CNNM1: variants seen among roughly 807,000 people sequenced by gnomAD.
CNNM1 encodes the protein cyclin and CBS domain divalent metal cation transport mediator 1, also known as metal transporter CNNM1.
A neutral mutation model predicts 78.8 loss-of-function variants in CNNM1; 44 were observed. The observed-to-expected ratio is 0.56, with a 90% CI of 0.44 to 0.72. The LOEUF is 0.72. Among genes scored for constraint, CNNM1 ranks in the 30% least tolerant of loss-of-function variants. The probability of loss-of-function intolerance (pLI) is 0.00; values close to 1 mark genes in which losing one functional copy is unlikely to be tolerated. For missense variants in CNNM1, 1,101 were observed against 1,292.2 expected (o/e 0.85, Z 2.27); for synonymous variants, 584 against 581.5 (o/e 1.00, Z -0.06).
At chr10:99,364,635 CT>C in intron 5 of CNNM1, 119 bp downstream of exon 5, 1 of 799,334 alleles carries the variant, frequency 1.3e-6, no homozygotes, top group Non-Finnish European at 2.0e-6. Context: ...AGCCATTTAA[CT>C]TCCTTGGCTT....
chr10:99,352,415 T>G (rs1204720210), intron 1 of CNNM1, among the ~76,000 whole-genome samples: 1 of 152,228 alleles, frequency 6.6e-6, no homozygotes, highest in Non-Finnish European at 1.5e-5. Context: ...AAAGTAGAAT[T>G]GTCGGGTCAT....
chr10:99,329,858 G>A lies in CNNM1; in HGVS notation c.471G>A (p.Ser157=). 1 of 1,409,742 alleles carries A rather than the reference G, an allele frequency of 7.1e-7. No individual in the cohort carries two copies. The highest frequency in any genetic ancestry group is 9.2e-7 in the Non-Finnish European group (1 of 1,088,730). The allele number at this position is 1,409,742 out of a possible 1,614,324, so 87.3% of individuals were successfully genotyped here. ...GPLRPGGVAG[S]ALVQVRVREL... is the part of the protein sequence containing the mutation. ...TGCGTCCCGGGGGCGTGGCAGGCTC[G>A]GCCCTGGTCCAGGTGCGAGTGCGGG... The change falls in exon 1 of 11, where the codon TCG becomes TCA. Residue 157 remains serine (S), a synonymous_variant. Transcript: ENST00000356713.
chr10:99,354,736 G>T (rs2031072069), intron 1 of CNNM1, among the ~76,000 whole-genome samples: 1 of 152,124 alleles, frequency 6.6e-6, no homozygotes. Flanking sequence ...GTGGGGAAGA[G>T]AAATCAAGGA....
chr10:99,358,958 C>T (rs956071353), intron 2 of CNNM1, among the ~76,000 whole-genome samples: 1 of 131,086 alleles, frequency 7.6e-6, no homozygotes, highest in Admixed American at 8.8e-5. Flanking sequence ...GAGATTGTGC[C>T]ACAGCACTCC....
intron 7 of CNNM1, among the ~76,000 whole-genome samples, chr10:99,379,851 T>G (rs956447841): frequency 1.3e-5 from 2 of 152,106 alleles, no homozygotes; most frequent in African/African-American, 4.8e-5. Context: ...TACCATAGAC[T>G]GTGTGGCTTA....
intron 1 of CNNM1, among the ~76,000 whole-genome samples, chr10:99,336,390 C>T (rs1208548752): frequency 1.3e-5 from 2 of 152,172 alleles, no homozygotes. Context: ...ACACTATATC[C>T]TCTAGGTTTT....
chr10:99,360,310 A>T (rs978588455), intron 2 of CNNM1, among the ~76,000 whole-genome samples: 1 of 152,198 alleles, frequency 6.6e-6, no homozygotes, highest in East Asian at 1.9e-4. Flanking sequence ...AGACTAGGTG[A>T]GGCCAGTTCA....
At chr10:99,337,926 G>A (rs2030261441) in intron 1 of CNNM1, among the ~76,000 whole-genome samples, 1 of 152,208 alleles carries the variant, frequency 6.6e-6, no homozygotes, top group South Asian at 2.1e-4. Context: ...AGTGTTAGAA[G>A]AAAAGTGTTG....
intron 2 of CNNM1, among the ~76,000 whole-genome samples, chr10:99,359,754 A>AC (rs1450199928): frequency 6.6e-6 from 1 of 152,090 alleles, no homozygotes; most frequent in Admixed American, 6.5e-5. Context: ...CTCAGCTTGC[A>AC]CCAGACGTTC....
At chr10:99,374,404 T>C (rs1028340286) in intron 6 of CNNM1, among the ~76,000 whole-genome samples, 1 of 152,194 alleles carries the variant, frequency 6.6e-6, no homozygotes, top group African/African-American at 2.4e-5. Flanking sequence ...ATGTGGCCTC[T>C]TCCTCAAGTT....
At chr10:99,344,300 T>A (rs1295582932) in intron 1 of CNNM1, among the ~76,000 whole-genome samples, 2 of 130,226 alleles carry the variant, frequency 1.5e-5, no homozygotes, top group Non-Finnish European at 3.1e-5. Context: ...CCATTGCACT[T>A]CAGCCTAGGC....
In CNNM1 at chr10:99,338,523, C is replaced by G. The variant is rs192416998; in HGVS notation, c.1573+7563C>G. Among the ~76,000 whole-genome samples, 847 of 152,218 alleles carry G rather than the reference C, an allele frequency of 5.6e-3. 8 individuals carry two copies. Among genetic ancestry groups the G allele is most frequent in the African/African-American group, 0.019 (785 of 41,516 alleles). ...CGAACTCCTGAGCTCAGGCAATCCG[C>G]CAACCTCGGCCTCCCAAAGTGCTAG... On this transcript the variant is annotated intron_variant, in intron 1 of 10. Coordinates refer to ENST00000356713, the MANE Select transcript of CNNM1 (RefSeq NM_020348.3).
chr10:99,373,290 G>T (rs1167331168), intron 6 of CNNM1, among the ~76,000 whole-genome samples: 1 of 152,164 alleles, frequency 6.6e-6, no homozygotes, highest in Non-Finnish European at 1.5e-5. Flanking sequence ...ATTGAGGAAT[G>T]GTGGTGATTC....
Position 99,394,234 on chromosome 10 carries a change from A to T in CNNM1, c.*2718A>T, listed in dbSNP as rs1461226249. The T allele has an allele frequency of 1.3e-5, 2 of 152,588 alleles. No individual in the cohort carries two copies. The highest frequency in any genetic ancestry group is 2.1e-4 in the South Asian group (1 of 4,818). 9.5% of individuals were successfully genotyped at this position (152,588 alleles called of 1,614,324 possible). ...CCACAAAGATTTTCTTCAGGTTAAA[A>T]AAAAAGTTTAAAAAAAAGATTTTAA... On this transcript the variant is annotated 3_prime_UTR_variant, in exon 11 of 11. Transcript: ENST00000356713.
intron 1 of CNNM1, among the ~76,000 whole-genome samples, chr10:99,349,395 T>C (rs543003332): frequency 1.1e-4 from 17 of 152,126 alleles, no homozygotes; most frequent in African/African-American, 4.1e-4. Flanking sequence ...TATTTATCTG[T>C]AGGTGAGGAT....
rs1012313922 is a variant in CNNM1 at position 99,330,375 on chromosome 10, G to T, written c.988G>T (p.Val330Leu). Residue 330 changes from valine (V) to leucine (L), a missense_variant, in exon 1 of 11, where the codon GTG becomes TTG. Around this residue, in one of 3 missense-constraint regions of CNNM1, gnomAD observed 476 missense variants for 484.5 expected, o/e 0.98. Transcript: ENST00000356713. ...CCACTTCCCGTGGCTGCCGGCGCTC[G>T]TGTGCACCGGCGCGGTATTCCTGGG... is the stretch of plus-strand genomic sequence containing the variant. ...GIHFPWLPALVCTGAVFLGAE... is the reference protein window; with the variant it reads ...GIHFPWLPALLCTGAVFLGAE... 9 of 1,596,938 alleles carry T rather than the reference G, an allele frequency of 5.6e-6. No homozygotes were observed. The highest frequency in any genetic ancestry group is 1.1e-5 in the South Asian group (1 of 88,116).
chr10:99,345,158 T>C (rs2030638619), intron 1 of CNNM1, among the ~76,000 whole-genome samples: 1 of 152,158 alleles, frequency 6.6e-6, no homozygotes, highest in South Asian at 2.1e-4. Flanking sequence ...TACATATTAG[T>C]AATAACAACC....
intron 6 of CNNM1, among the ~76,000 whole-genome samples, chr10:99,369,276 C>T (rs1479000845): frequency 3.3e-5 from 5 of 152,174 alleles, no homozygotes; most frequent in African/African-American, 4.8e-5. Context: ...AGTAGAATGC[C>T]ACAAATCTGA....
chr10:99,367,949 G>T (rs1270882961), intron 6 of CNNM1, among the ~76,000 whole-genome samples: 2 of 152,208 alleles, frequency 1.3e-5, no homozygotes, highest in African/African-American at 4.8e-5. Flanking sequence ...TGGGGAAAGA[G>T]AAGGACAATG....
Sources: allele counts gnomAD v4.1 joint callset (sites outside exome capture counted in the v4.1 genomes callset), GRCh38; gene constraint gnomAD v4.1.1; regional missense constraint gnomAD v4.1.1; transcripts MANE v1.5; gene names NCBI Gene and HGNC (gene_info 2026-07-23, HGNC 2026-07-21).